Variants in ERBB2 observed in about 807,000 individuals in gnomAD.
ERBB2 encodes the protein receptor tyrosine-protein kinase erbB-2.
In ERBB2, 61 loss-of-function variants were observed where a neutral mutation model predicts 149.0. The observed-to-expected ratio is 0.41, with a 90% CI of 0.33 to 0.51. ERBB2 has a LOEUF of 0.51. ERBB2 is among the 20% of genes least tolerant of loss of function. The pLI is 0.25. For synonymous variants in ERBB2, 633 were observed against 678.8 expected, an observed-to-expected ratio of 0.93 and a Z score of 1.05; for missense variants, 1,205 against 1,655.1, an observed-to-expected ratio of 0.73 and a Z score of 4.72.
In ERBB2 at chr17:39,717,284, TGCCA is replaced by T. The variant is rs770077148; in HGVS notation, c.1738-32_1738-29del. 10 of 1,551,076 alleles carry T rather than the reference TGCCA, an allele frequency of 6.4e-6. No homozygotes were observed. The South Asian group carries it at 1.2e-4, about 18-fold the overall frequency. ...GATCCTACTGCCCTGGGGGTGTCAG[TGCCA>T]GCCCCCCACAAATCTTTTCTGCCCC... is the stretch of plus-strand genomic sequence containing the variant. On this transcript the variant is annotated intron_variant, in intron 14 of 26. Transcript: ENST00000269571.
chr17:39,727,735 A>C lies in ERBB2; in HGVS notation c.3459A>C (p.Arg1153=), dbSNP rs567023682. ...TTCGGCCCCAGCCCCCTTCGCCCCG[A>C]GAGGGCCCTCTGCCTGCTGCCCGAC... ...PDVRPQPPSP[R]EGPLPAARPA... The change falls in exon 27 of 27, where the codon CGA becomes CGC. Residue 1153 remains arginine (R), a synonymous_variant. Transcript: ENST00000269571. This position sits in a 1 kb window ranked among gnomAD's most constrained non-coding sequence, Gnocchi z 4.3. The C allele has an allele frequency of 1.8e-5, 29 of 1,586,288 alleles. No individual in the cohort carries two copies. The highest frequency in any genetic ancestry group is 3.4e-4 in the Middle Eastern group (2 of 5,886).
Position 39,710,380 on chromosome 17 carries a change from A to G in ERBB2, c.800A>G (p.His267Arg). The G allele has an allele frequency of 6.2e-7, 1 of 1,614,150 alleles. No individual in the cohort carries two copies. Among genetic ancestry groups the G allele is most frequent in the Non-Finnish European group, 8.5e-7 (1 of 1,180,022 alleles). The part of the protein sequence containing the change: ...HFNHSGICEL[H>R]CPALVTYNTD... ...AACCACAGTGGCATCTGTGAGCTGC[A>G]CTGCCCAGCCCTGGTCACCTACAAC... is the stretch of plus-strand genomic sequence containing the variant. Residue 267 changes from histidine (H) to arginine (R), a missense_variant, in exon 7 of 27, where the codon CAC (histidine) becomes CGC (arginine). Physicochemically the swap from His to Arg is conservative, Grantham distance 29. Around this residue, in one of 6 missense-constraint regions of ERBB2, gnomAD observed 569 missense variants for 803.5 expected, o/e 0.71. Transcript: ENST00000269571.
intron 2 of ERBB2, 100 bp from the exon 3 acceptor site, chr17:39,708,221 G>A (rs936450952): frequency 1.2e-6 from 1 of 807,734 alleles, no homozygotes; most frequent in Non-Finnish European, 2.0e-6. Context: ...CTCAGTGGCT[G>A]GGGGCCTTGC....
intron 1 of ERBB2, 127 bp downstream of exon 1, chr17:39,700,438 A>G (rs2058025768): frequency 2.6e-6 from 2 of 776,230 alleles, no homozygotes; most frequent in Non-Finnish European, 3.5e-6. Context: ...AGTTGTGGAC[A>G]GTCGAGACGC....
chr17:39,691,546 T>TAAA (rs557885708), upstream of ERBB2, among the ~76,000 whole-genome samples: 1,067 of 108,268 alleles, frequency 9.9e-3, 17 homozygotes, highest in Non-Finnish European at 0.012. Context: ...CCATCTACAT[T>TAAA]AAAAAAAAAA....
At chr17:39,706,310 G>A (rs1416397510) in intron 1 of ERBB2, among the ~76,000 whole-genome samples, 3 of 152,228 alleles carry the variant, frequency 2.0e-5, no homozygotes, top group East Asian at 1.9e-4. Context: ...AACCTTTGGC[G>A]CATGCTTCAC....
intron 1 of ERBB2, among the ~76,000 whole-genome samples, chr17:39,706,539 A>G (rs1373401426): frequency 6.6e-6 from 1 of 152,108 alleles, no homozygotes; most frequent in Non-Finnish European, 1.5e-5. Flanking sequence ...GGTGTGCTGG[A>G]ATGGCATAGG....
intron 4 of ERBB2, 145 bp from the exon 5 acceptor site, chr17:39,709,668 G>A (rs2058678630): frequency 2.1e-6 from 2 of 943,058 alleles, no homozygotes; most frequent in Non-Finnish European, 3.3e-6. Context: ...CTCTGGTTTG[G>A]GGGCCTCTCA....
chr17:39,702,733 G>C (rs1156308074), intron 1 of ERBB2, among the ~76,000 whole-genome samples: 1 of 152,148 alleles, frequency 6.6e-6, no homozygotes, highest in South Asian at 2.1e-4. Flanking sequence ...AGAAATGTAC[G>C]GTGTACTTCC....
upstream of ERBB2, among the ~76,000 whole-genome samples, chr17:39,694,288 T>TATACAC (rs1463644286): frequency 2.3e-4 from 14 of 60,726 alleles, 1 homozygote; most frequent in South Asian, 3.0e-3. Context: ...TATATATATA[T>TATACAC]ACACATATAT....
chr17:39,709,966 G>A, intron 5 of ERBB2, 85 bp downstream of exon 5: 1 of 1,501,522 alleles, frequency 6.7e-7, no homozygotes, highest in Non-Finnish European at 9.2e-7. Flanking sequence ...ACATGGGAGG[G>A]GTGGGATAAC....
At chr17:39,695,232 G>A (rs1485787776), upstream of ERBB2, 1 of 152,380 alleles carries the variant, frequency 6.6e-6, no homozygotes, top group East Asian at 1.9e-4. Context: ...GCAGCCTGGG[G>A]AGAGATAAAA....
chr17:39,717,627 A>T, intron 15 of ERBB2, 147 bp downstream of exon 15: 1 of 637,216 alleles, frequency 1.6e-6, no homozygotes, highest in Non-Finnish European at 2.6e-6. Context: ...TTGTAAAATT[A>T]AAACATGAAA....
At chr17:39,710,620 T>C (rs906890275) in intron 7 of ERBB2, 139 bp downstream of exon 7, 1 of 1,041,394 alleles carries the variant, frequency 9.6e-7, no homozygotes, top group Non-Finnish European at 1.4e-6. Context: ...CCTTGTTCTT[T>C]CAACAGCTGT....
intron 11 of ERBB2, 50 bp downstream of exon 11, chr17:39,715,586 G>T (rs780023939): frequency 6.3e-7 from 1 of 1,575,280 alleles, no homozygotes; most frequent in Non-Finnish European, 8.7e-7. Flanking sequence ...CCAGGGAGGA[G>T]TCCCTGTGGG....
rs2143140267 is a variant in ERBB2 at position 39,726,641 on chromosome 17, G to C, written c.2952G>C (p.Gln984His). ...SEFSRMARDP[Q>H]RFVVIQNEDL... ...TCTCCCGCATGGCCAGGGACCCCCA[G>C]CGCTTTGTGGTCATCCAGGTACTGG... Residue 984 changes from glutamine to histidine, a missense_variant, in exon 24 of 27, where the codon CAG (glutamine) becomes CAC (histidine). Coordinates refer to ENST00000269571, the MANE Select transcript of ERBB2 (RefSeq NM_004448.4). This position sits in a 1 kb window ranked among gnomAD's most constrained non-coding sequence, Gnocchi z 5.1. The C allele has an allele frequency of 1.2e-6, 2 of 1,614,202 alleles. No homozygotes were observed. The highest frequency in any genetic ancestry group is 1.7e-6 in the Non-Finnish European group (2 of 1,180,016).
At position 39,726,870 on chromosome 17, in the gene ERBB2, T is replaced by C; in HGVS notation, c.3026T>C (p.Leu1009Pro). 6.2e-7 allele frequency: 1 copy of C among 1,613,968 alleles called. No homozygotes were observed. Among genetic ancestry groups the C allele is most frequent in the Non-Finnish European group, 8.5e-7 (1 of 1,179,896 alleles). ...PLDSTFYRSL[L>P]EDDDMGDLVD... ...GACAGCACCTTCTACCGCTCACTGC[T>C]GGAGGACGATGACATGGGGGACCTG... The change falls in exon 25 of 27, where the codon CTG (leucine) becomes CCG (proline). Residue 1009 changes from leucine to proline, a missense_variant. Leu to Pro is a moderately conservative substitution (Grantham distance 98). Around this residue, in one of 6 missense-constraint regions of ERBB2, gnomAD observed 312 missense variants for 343.8 expected, o/e 0.91. Transcript: ENST00000269571. The surrounding 1 kb of genome is among the most constrained non-coding windows in gnomAD (Gnocchi z 5.1).
chr17:39,724,850 G>A lies in ERBB2; in HGVS notation c.2432G>A (p.Arg811Gln), dbSNP rs775752713. 4 of 1,614,198 alleles carry A rather than the reference G, an allele frequency of 2.5e-6. No individual in the cohort carries two copies. The highest frequency in any genetic ancestry group is 1.1e-5 in the South Asian group (1 of 91,084). ...MPYGCLLDHVRENRGRLGSQD... is the reference protein window; with the variant it reads ...MPYGCLLDHVQENRGRLGSQD... ...TATGGCTGCCTCTTAGACCATGTCCGGGAAAACCGCGGACGCCTGGGCTCC... is the reference window on the plus strand; with the variant it reads ...TATGGCTGCCTCTTAGACCATGTCCAGGAAAACCGCGGACGCCTGGGCTCC... Residue 811 changes from arginine (R) to glutamine (Q), a missense_variant, in exon 20 of 27, where the codon CGG (arginine) becomes CAG (glutamine). Physicochemically the swap from Arg to Gln is conservative, Grantham distance 43. Around this residue, in one of 6 missense-constraint regions of ERBB2, gnomAD observed 152 missense variants for 318.1 expected, o/e 0.48. Coordinates refer to ENST00000269571, the MANE Select transcript of ERBB2 (RefSeq NM_004448.4).
upstream of ERBB2, among the ~76,000 whole-genome samples, chr17:39,691,556 A>AAAAAAAAAAAATATATATAT (rs573116217): frequency 4.8e-5 from 4 of 84,198 alleles, no homozygotes; most frequent in African/African-American, 2.0e-4. Flanking sequence ...TAAAAAAAAA[A>AAAAAAAAAAAATATATATAT]ATATATATAT....
Sources: allele counts gnomAD v4.1 joint callset (sites outside exome capture counted in the v4.1 genomes callset), GRCh38; gene constraint gnomAD v4.1.1; regional missense constraint gnomAD v4.1.1; non-coding constraint Gnocchi (gnomAD v3.1); transcripts MANE v1.5; gene names NCBI Gene and HGNC (gene_info 2026-07-23, HGNC 2026-07-21).